The following CERS6 variants were observed in gnomAD, a reference collection of about 807,000 sequenced individuals.
The protein encoded by CERS6 is ceramide synthase 6.
CERS6 carries 26 observed loss-of-function variants against 56.8 expected under a neutral mutation model. The observed-to-expected ratio is 0.46, with a 90% CI of 0.34 to 0.63. The LOEUF (loss-of-function observed/expected upper bound fraction) is 0.63, where lower values mean the gene tolerates loss of function less well. CERS6 is among the 30% of genes least tolerant of loss of function. The pLI is 0.01. For missense variants in CERS6, 415 were observed against 467.5 expected, an observed-to-expected ratio of 0.89 and a Z score of 1.04; for synonymous variants, 164 against 173.3, an observed-to-expected ratio of 0.95 and a Z score of 0.42.
At chr2:168,742,316 A>G (rs957357001) in intron 8 of CERS6, among the ~76,000 whole-genome samples, 1 of 152,224 alleles carries the variant, frequency 6.6e-6, no homozygotes, top group African/African-American at 2.4e-5. Context: ...GCCAAATACA[A>G]TTATCATGGA....
At chr2:168,523,333 CT>C (rs1454855885) in intron 1 of CERS6, among the ~76,000 whole-genome samples, 1 of 151,784 alleles carries the variant, frequency 6.6e-6, no homozygotes, top group Admixed American at 6.6e-5. Flanking sequence ...TTTTTCAGTC[CT>C]TTCTAGTACC....
At chr2:168,726,628 A>G (rs1000233499) in intron 8 of CERS6, among the ~76,000 whole-genome samples, 2 of 152,188 alleles carry the variant, frequency 1.3e-5, no homozygotes, top group African/African-American at 2.4e-5. Context: ...CTCTGCACCT[A>G]TGTCCTCATC....
intron 1 of CERS6, among the ~76,000 whole-genome samples, chr2:168,510,496 G>A (rs927988299): frequency 2.0e-5 from 3 of 152,206 alleles, no homozygotes; most frequent in African/African-American, 7.2e-5. Flanking sequence ...TAGCCTAGAC[G>A]TGTAGTGGAC....
At chr2:168,529,901 G>A (rs1429937943) in intron 1 of CERS6, among the ~76,000 whole-genome samples, 11 of 149,520 alleles carry the variant, frequency 7.4e-5, no homozygotes, top group Admixed American at 2.0e-4. Context: ...CCCAAGACCT[G>A]ACATTTAGCT....
intron 6 of CERS6, among the ~76,000 whole-genome samples, chr2:168,706,044 C>T (rs1686932221): frequency 1.3e-5 from 2 of 152,106 alleles, no homozygotes. Flanking sequence ...TGTGATTTAG[C>T]AAGGCTCGTA....
intron 3 of CERS6, among the ~76,000 whole-genome samples, chr2:168,625,261 T>C (rs1257336571): frequency 3.9e-5 from 6 of 152,180 alleles, no homozygotes; most frequent in Non-Finnish European, 8.8e-5. Context: ...AACAGTTTTT[T>C]CATTAGCTAT....
At chr2:168,635,642 A>C (rs1288769222) in intron 4 of CERS6, among the ~76,000 whole-genome samples, 1 of 152,134 alleles carries the variant, frequency 6.6e-6, no homozygotes, top group Non-Finnish European at 1.5e-5. Context: ...TACTCTGATA[A>C]ATCTTATTAT....
At chr2:168,539,843 G>A (rs1695334530) in intron 1 of CERS6, among the ~76,000 whole-genome samples, 1 of 151,970 alleles carries the variant, frequency 6.6e-6, no homozygotes, top group South Asian at 2.1e-4. Context: ...TTTTTTTCTG[G>A]CACAGTTTGG....
At chr2:168,596,555 C>CT (rs35269601) in intron 3 of CERS6, among the ~76,000 whole-genome samples, 10,609 of 114,808 alleles carry the variant, frequency 0.092, 1,361 homozygotes, top group African/African-American at 0.33. Flanking sequence ...ATCCCCCCCC[C>CT]TTTTTTTTTT....
rs34492119 is a variant in CERS6, at chr2:168,484,167, G to GTTTTTTT, written c.170+27574_170+27580dup. Among the ~76,000 whole-genome samples the GTTTTTTT allele has an allele frequency of 1.1e-3, 58 of 51,610 alleles. 4 individuals carry two copies. The highest frequency in any genetic ancestry group is 1.4e-3 in the Non-Finnish European group (39 of 27,048). 33.9% of individuals were successfully genotyped at this position (51,610 alleles called of 152,430 possible). On this transcript the variant is annotated intron_variant, in intron 1 of 9. Coordinates refer to ENST00000305747, the MANE Select transcript of CERS6 (RefSeq NM_203463.3). ...TTTTCTTTTTCTTTTTCTTTTTTCT[G>GTTTTTTT]TTTTTTTTTTTTTTTTTTTTTTTTT...
intron 1 of CERS6, among the ~76,000 whole-genome samples, chr2:168,462,009 G>T (rs930686251): frequency 6.6e-6 from 1 of 152,164 alleles, no homozygotes; most frequent in Non-Finnish European, 1.5e-5. Context: ...CCATCCTCAG[G>T]CTGCCCTCTT....
At chr2:168,668,796 T>C (rs1396777174) in intron 4 of CERS6, among the ~76,000 whole-genome samples, 1 of 152,184 alleles carries the variant, frequency 6.6e-6, no homozygotes, top group Non-Finnish European at 1.5e-5. Context: ...TAAACTATGC[T>C]AATTATTATT....
chr2:168,743,191 T>C (rs972207533), intron 8 of CERS6, among the ~76,000 whole-genome samples: 1 of 146,996 alleles, frequency 6.8e-6, no homozygotes, highest in Non-Finnish European at 1.5e-5. Context: ...TATGTGTGTG[T>C]GTATATATAT....
chr2:168,537,897 C>A (rs910021366), intron 1 of CERS6, among the ~76,000 whole-genome samples: 1 of 152,186 alleles, frequency 6.6e-6, no homozygotes, highest in Non-Finnish European at 1.5e-5. Flanking sequence ...ACACTGAAGT[C>A]ATGAACTTCA....
At chr2:168,560,868 G>A (rs1695774327) in intron 2 of CERS6, among the ~76,000 whole-genome samples, 1 of 152,156 alleles carries the variant, frequency 6.6e-6, no homozygotes, top group Non-Finnish European at 1.5e-5. Flanking sequence ...GAAGGCTGAT[G>A]AGGCTGACTC....
intron 4 of CERS6, among the ~76,000 whole-genome samples, chr2:168,654,764 A>G (rs986863112): frequency 6.6e-6 from 1 of 152,224 alleles, no homozygotes; most frequent in African/African-American, 2.4e-5. Context: ...TTGAAGATAA[A>G]TGATGATCCC....
At chr2:168,766,417 T>C in intron 9 of CERS6, 1 of 1,337,278 alleles carries the variant, frequency 7.5e-7, no homozygotes, top group East Asian at 2.3e-5. Flanking sequence ...ACTCAGATGC[T>C]TTTGTTTCCA....
intron 6 of CERS6, among the ~76,000 whole-genome samples, chr2:168,703,968 G>A (rs1686869387): frequency 6.6e-6 from 1 of 152,184 alleles, no homozygotes; most frequent in Non-Finnish European, 1.5e-5. Context: ...TCAAAGCATT[G>A]CAAGCCAGTA....
chr2:168,714,675 A>G (rs941274437), intron 6 of CERS6, among the ~76,000 whole-genome samples: 1 of 152,090 alleles, frequency 6.6e-6, no homozygotes, highest in Admixed American at 6.6e-5. Flanking sequence ...ATGTCCTCCT[A>G]TCTCCTGTGA....
Sources: gnomAD v4.1 joint callset for allele counts (sites outside exome capture counted in the v4.1 genomes callset) on GRCh38, gnomAD v4.1.1 for gene constraint, MANE v1.5 for transcripts, NCBI Gene and HGNC (gene_info 2026-07-23, HGNC 2026-07-21) for gene names.